NRG4: variants seen among roughly 807,000 people sequenced by gnomAD.
NRG4 encodes neuregulin 4.
NRG4 carries 10 observed loss-of-function variants against 15.0 expected under a neutral mutation model. That is an observed-to-expected ratio of 0.67 (90% confidence interval 0.41 to 1.13). NRG4 has a LOEUF of 1.13. Among genes scored for constraint, NRG4 ranks in the 50% most tolerant of loss-of-function variants. The pLI is 0.00. For missense variants in NRG4, 139 were observed against 140.2 expected, an observed-to-expected ratio of 0.99 and a Z score of 0.04; for synonymous variants, 41 against 50.1, an observed-to-expected ratio of 0.82 and a Z score of 0.77.
At chr15:75,988,065 A>G (rs762202236) in intron 3 of NRG4, among the ~76,000 whole-genome samples, 50 of 152,240 alleles carry the variant, frequency 3.3e-4, no homozygotes, top group Non-Finnish European at 6.5e-4. Flanking sequence ...ATATCAAAGT[A>G]GCTCAGAATG....
At position 75,964,951 on chromosome 15, in the gene NRG4, C is replaced by T. The variant is rs184388155; in HGVS notation, c.105-2977G>A. Among the ~76,000 whole-genome samples the T allele has an allele frequency of 7.9e-4, 120 of 152,104 alleles. 1 individual carries two copies. In the South Asian group the frequency reaches 0.011, roughly 13 times the overall value. On this transcript the variant is annotated intron_variant, in intron 3 of 5. Coordinates refer to ENST00000394907, the MANE Select transcript of NRG4 (RefSeq NM_138573.4). ...AAAAAAAAGAAAAAAAGAGGCCGGA[C>T]GCAGTGCCTCCCGCCTGTAATCCCA...
At chr15:76,016,708 T>C (rs932638629), upstream of NRG4, among the ~76,000 whole-genome samples, 3 of 151,828 alleles carry the variant, frequency 2.0e-5, no homozygotes, top group African/African-American at 7.2e-5. Context: ...GAGACTGTTA[T>C]GATTTCCATT....
chr15:76,005,240 A>G (rs1032215262), intron 3 of NRG4, among the ~76,000 whole-genome samples: 1 of 151,874 alleles, frequency 6.6e-6, no homozygotes, highest in Non-Finnish European at 1.5e-5. Context: ...TAAATTGCCA[A>G]GTGCAGTGTT....
chr15:76,014,746 G>C (rs1371628715), upstream of NRG4, among the ~76,000 whole-genome samples: 2 of 152,134 alleles, frequency 1.3e-5, no homozygotes. Flanking sequence ...GGTTACTGTA[G>C]TCTTGTAGTA....
intron 3 of NRG4, among the ~76,000 whole-genome samples, chr15:75,990,406 C>G (rs1251428381): frequency 6.6e-6 from 1 of 152,080 alleles, no homozygotes; most frequent in Non-Finnish European, 1.5e-5. Context: ...GAAGGGAGCC[C>G]GGAAGATTAG....
At chr15:76,028,447 G>C (rs1404768931) in intron 5 of NRG4, among the ~76,000 whole-genome samples, 1 of 152,070 alleles carries the variant, frequency 6.6e-6, no homozygotes, top group Non-Finnish European at 1.5e-5. Context: ...AGAAGAAATG[G>C]AAAACCTAAA....
chr15:75,985,790 TTAAG>T (rs934017793), intron 3 of NRG4, among the ~76,000 whole-genome samples: 37 of 148,862 alleles, frequency 2.5e-4, no homozygotes, highest in Non-Finnish European at 7.5e-5. Flanking sequence ...ACTGATAAAA[TTAAG>T]TATGTAAAAA....
chr15:75,971,391 T>C (rs1713295563), intron 3 of NRG4: 1 of 310,894 alleles, frequency 3.2e-6, no homozygotes, highest in African/African-American at 2.2e-5. Context: ...TTCTTTAAGC[T>C]CAAATCAATT....
intron 3 of NRG4, among the ~76,000 whole-genome samples, chr15:76,007,651 G>C (rs1054495001): frequency 6.6e-6 from 1 of 151,974 alleles, no homozygotes; most frequent in Non-Finnish European, 1.5e-5. Flanking sequence ...GGGTGGTCTC[G>C]ATCTCCTGAC....
chr15:75,958,989 A>T (rs1210703516), intron 4 of NRG4: 2 of 176,640 alleles, frequency 1.1e-5, no homozygotes, highest in Admixed American at 6.2e-5. Flanking sequence ...TTATTTATTT[A>T]TTTTTTTTAG....
At chr15:75,996,990 A>C (rs75777623) in intron 3 of NRG4, among the ~76,000 whole-genome samples, 1 of 152,124 alleles carries the variant, frequency 6.6e-6, no homozygotes, top group African/African-American at 2.4e-5. Flanking sequence ...TTATTTTAAT[A>C]GTATTTTTAA....
In NRG4 at chr15:75,970,045, C is replaced by T. The variant is rs555903279; in HGVS notation, c.105-8071G>A. On this transcript the variant is annotated intron_variant, in intron 3 of 5. Coordinates refer to ENST00000394907, the MANE Select transcript of NRG4 (RefSeq NM_138573.4). ...ACTTTTTTCTTTGAACTACAACCTT[C>T]TACTAAATTTACAGATGAAAATGCA... is the stretch of plus-strand genomic sequence containing the variant. 5.9e-5 allele frequency among the ~76,000 whole-genome samples: 9 copies of T among 152,250 alleles called. No homozygotes were observed. In the East Asian group the frequency reaches 1.7e-3, roughly 29 times the overall value.
rs910232313 is a variant in NRG4, at chr15:75,956,021, A to C, written c.252-10T>G. 6.5e-7 allele frequency: 1 copy of C among 1,537,682 alleles called. No homozygotes were observed. Among genetic ancestry groups the C allele is most frequent in the Middle Eastern group, 1.7e-4 (1 of 5,938 alleles). ...CTGAAAGTGGCCTTTCCTGACAATA[A>C]AGAGGAGAGAAACACAAAAATGGAA... On this transcript the variant is annotated splice_polypyrimidine_tract_variant and intron_variant, in intron 4 of 5. Transcript: ENST00000394907.
chr15:76,021,378 T>A (rs2035148731), intron 5 of NRG4, among the ~76,000 whole-genome samples: 1 of 152,246 alleles, frequency 6.6e-6, no homozygotes, highest in Admixed American at 6.5e-5. Context: ...TTTTTAGACA[T>A]AATGCTACTG....
At chr15:76,052,324 G>T (rs1261526702) in intron 3 of NRG4, 1 of 151,094 alleles carries the variant, frequency 6.6e-6, no homozygotes, top group Non-Finnish European at 1.5e-5. Flanking sequence ...GTAAGAAGCA[G>T]AAGTTTCACT....
intron 2 of NRG4, among the ~76,000 whole-genome samples, chr15:76,055,327 A>T (rs755226115): frequency 3.9e-5 from 6 of 152,168 alleles, no homozygotes; most frequent in Non-Finnish European, 8.8e-5. Flanking sequence ...CAAAAATATT[A>T]TACCTTAAAA....
At chr15:76,052,678 T>C (rs1320885832) in intron 3 of NRG4, among the ~76,000 whole-genome samples, 1 of 151,128 alleles carries the variant, frequency 6.6e-6, no homozygotes, top group African/African-American at 2.5e-5. Flanking sequence ...GTATATGATC[T>C]ATCTTCCACT....
Position 76,009,112 on chromosome 15 carries a change from CT to C in NRG4, c.104+87del, listed in dbSNP as rs901133451. 19 of 765,234 alleles carry C rather than the reference CT, an allele frequency of 2.5e-5. No homozygotes were observed. The African/African-American group carries it at 3.3e-4, about 13-fold the overall frequency. The allele number at this position is 765,234 out of a possible 1,614,324, so 47.4% of individuals were successfully genotyped here. On this transcript the variant is annotated intron_variant, in intron 3 of 5. Transcript: ENST00000394907. The stretch of plus-strand genomic sequence containing the variant: ...ATGCCTCACATCTTTTCATCTTACA[CT>C]TTTTGTTTACTTTTTATCACTTCTC...
At chr15:75,972,436 TCTTTGCC>T (rs2033142136) in intron 3 of NRG4, among the ~76,000 whole-genome samples, 1 of 152,232 alleles carries the variant, frequency 6.6e-6, no homozygotes, top group Non-Finnish European at 1.5e-5. Flanking sequence ...AGTCACGAAG[TCTTTGCC>T]CATGCTTACA....
Sources: gnomAD v4.1 joint callset for allele counts (sites outside exome capture counted in the v4.1 genomes callset) on GRCh38, gnomAD v4.1.1 for gene constraint, MANE v1.5 for transcripts, NCBI Gene and HGNC (gene_info 2026-07-23, HGNC 2026-07-21) for gene names.